The following MCMBP variants were observed in gnomAD, a reference collection of about 807,000 sequenced individuals.
MCMBP encodes the protein minichromosome maintenance complex binding protein.
Under a neutral mutation model 81.3 loss-of-function variants are expected in MCMBP, and 31 were observed. The ratio of observed to expected loss-of-function variants is 0.38; its 90% CI spans 0.29 to 0.51. The LOEUF is 0.51. Among genes scored for constraint, MCMBP ranks in the 20% least tolerant of loss-of-function variants. The pLI is 0.87. For synonymous variants in MCMBP, 267 were observed against 275.9 expected, an observed-to-expected ratio of 0.97 and a Z score of 0.32; for missense variants, 645 against 772.1, an observed-to-expected ratio of 0.84 and a Z score of 1.95.
chr10:119,852,303 T>C (rs972759611), intron 6 of MCMBP, among the ~76,000 whole-genome samples: 1 of 151,808 alleles, frequency 6.6e-6, no homozygotes, highest in Non-Finnish European at 1.5e-5. Context: ...TACTCGAATA[T>C]ATTACAAACT....
chr10:119,871,409 C>T (rs561699119), intron 1 of MCMBP, among the ~76,000 whole-genome samples: 77 of 151,736 alleles, frequency 5.1e-4, no homozygotes, highest in Non-Finnish European at 7.9e-4. Flanking sequence ...TGTTCACTGG[C>T]TAAGTTCGGA....
chr10:119,860,004 A>G (rs988729492), intron 1 of MCMBP, 120 bp from the exon 2 acceptor site: 17 of 679,354 alleles, frequency 2.5e-5, no homozygotes, highest in African/African-American at 2.3e-4. Flanking sequence ...AGCTACTATG[A>G]TAGAATGAAT....
chr10:119,859,550 A>G (rs1853174974), intron 2 of MCMBP, among the ~76,000 whole-genome samples: 2 of 152,154 alleles, frequency 1.3e-5, no homozygotes, highest in South Asian at 4.1e-4. Context: ...GGTAACTGAC[A>G]CTCTTGCAAC....
intron 14 of MCMBP, among the ~76,000 whole-genome samples, chr10:119,834,079 GC>G (rs1379681121): frequency 6.6e-6 from 1 of 152,132 alleles, no homozygotes; most frequent in Non-Finnish European, 1.5e-5. Flanking sequence ...AATGAACAGA[GC>G]CTTGAAGACC....
At position 119,843,267 on chromosome 10, in the gene MCMBP, C is replaced by A; in HGVS notation, c.987G>T (p.Glu329Asp). 6.2e-7 allele frequency: 1 copy of A among 1,613,646 alleles called. No individual in the cohort carries two copies. Among genetic ancestry groups the A allele is most frequent in the South Asian group, 1.1e-5 (1 of 91,044 alleles). Reference protein sequence around the residue: ...NPLLPACLNKEESKTFVSSFM... With the variant: ...NPLLPACLNKDESKTFVSSFM... ...ACTTACACTTACAGGTTTTGCTCTC[C>A]TCTTTGTTAAGGCAGGCAGGCAATA... Residue 329 changes from glutamate to aspartate, a missense_variant, in exon 9 of 16, where the codon GAG becomes GAT. By Grantham distance (45) the Glu-to-Asp change is conservative (BLOSUM62 2). Coordinates refer to ENST00000369077, the MANE Select transcript of MCMBP (RefSeq NM_001256378.2).
chr10:119,835,166 G>A (rs949233409), intron 14 of MCMBP, among the ~76,000 whole-genome samples: 14 of 152,174 alleles, frequency 9.2e-5, no homozygotes, highest in Admixed American at 6.5e-5. Flanking sequence ...AGAGGAGAAG[G>A]AACGGAATTA....
At chr10:119,872,034 G>A (rs1168873070) in intron 1 of MCMBP, among the ~76,000 whole-genome samples, 1 of 152,138 alleles carries the variant, frequency 6.6e-6, no homozygotes, top group Non-Finnish European at 1.5e-5. Flanking sequence ...AGAGAATGAG[G>A]GTAGCACAGG....
chr10:119,858,735 C>A, intron 4 of MCMBP, 149 bp downstream of exon 4: 1 of 660,604 alleles, frequency 1.5e-6, no homozygotes, highest in South Asian at 2.4e-5. Flanking sequence ...TCACATCAAA[C>A]TCCTAAATAA....
chr10:119,834,371 T>C (rs1452789780), intron 14 of MCMBP, among the ~76,000 whole-genome samples: 1 of 152,136 alleles, frequency 6.6e-6, no homozygotes, highest in Non-Finnish European at 1.5e-5. Context: ...AGGATCCTTA[T>C]CAGAAACTAG....
rs1851982792 is a variant in MCMBP at position 119,830,525 on chromosome 10, A to T, written c.*949T>A. Reference sequence around the variant, plus strand: ...AACTCAATGACATTTAAGAAAATAAAAACTTTCTAAAGGGGGTATTGCTTT... The same window carrying T: ...AACTCAATGACATTTAAGAAAATAATAACTTTCTAAAGGGGGTATTGCTTT... On this transcript the variant is annotated 3_prime_UTR_variant, in exon 16 of 16. Transcript: ENST00000369077. The T allele has an allele frequency of 6.6e-6, 1 of 152,348 alleles. No individual in the cohort carries two copies. The highest frequency in any genetic ancestry group is 1.9e-4 in the East Asian group (1 of 5,190). The allele number at this position is 152,348 out of a possible 1,614,324, so 9.4% of individuals were successfully genotyped here.
chr10:119,835,785 C>A, intron 13 of MCMBP, 81 bp from the exon 14 acceptor site: 1 of 1,427,058 alleles, frequency 7.0e-7, no homozygotes, highest in Non-Finnish European at 9.8e-7. Flanking sequence ...TCATCTCTGT[C>A]AGCCCCTATG....
intron 7 of MCMBP, 75 bp downstream of exon 7, chr10:119,849,350 G>A: frequency 6.8e-7 from 1 of 1,471,444 alleles, no homozygotes; most frequent in Non-Finnish European, 9.2e-7. Flanking sequence ...GGGAACAAAT[G>A]CAAATGCTCA....
At chr10:119,867,955 C>T (rs893386713) in intron 1 of MCMBP, among the ~76,000 whole-genome samples, 3 of 152,182 alleles carry the variant, frequency 2.0e-5, no homozygotes, top group Non-Finnish European at 4.4e-5. Context: ...ACTTTTAGTT[C>T]ATTTTATTAT....
At chr10:119,852,572 A>T (rs1852872431) in intron 6 of MCMBP, among the ~76,000 whole-genome samples, 1 of 152,224 alleles carries the variant, frequency 6.6e-6, no homozygotes, top group African/African-American at 2.4e-5. Context: ...GCTACTAGGC[A>T]GGTTGAAGTG....
At position 119,852,533 on chromosome 10, in the gene MCMBP, G is replaced by A. The variant is rs182856113; in HGVS notation, c.574+517C>T. Reference sequence around the variant, plus strand: ...CTACACAAAATTTAAAAAGTTAGCTGCATGTGGTGGCATGCGCCTATAGCC... The same window carrying A: ...CTACACAAAATTTAAAAAGTTAGCTACATGTGGTGGCATGCGCCTATAGCC... On this transcript the variant is annotated intron_variant, in intron 6 of 15. Coordinates refer to ENST00000369077, the MANE Select transcript of MCMBP (RefSeq NM_001256378.2). Among the ~76,000 whole-genome samples, 401 of 152,210 alleles carry A rather than the reference G, an allele frequency of 2.6e-3. 1 individual carries two copies. The highest frequency in any genetic ancestry group is 4.4e-3 in the Non-Finnish European group (298 of 68,016).
At chr10:119,837,448 C>T (rs1050255250) in intron 12 of MCMBP, among the ~76,000 whole-genome samples, 3 of 152,134 alleles carry the variant, frequency 2.0e-5, no homozygotes, top group African/African-American at 7.2e-5. Flanking sequence ...TCTACCTTTA[C>T]CTCTTGAGCT....
chr10:119,852,601 C>T (rs1852873716), intron 6 of MCMBP, among the ~76,000 whole-genome samples: 1 of 152,116 alleles, frequency 6.6e-6, no homozygotes, highest in Non-Finnish European at 1.5e-5. Context: ...TCACTTGAGC[C>T]CAGGAGGTCA....
At chr10:119,855,689 G>A (rs1853013148) in intron 5 of MCMBP, among the ~76,000 whole-genome samples, 1 of 151,636 alleles carries the variant, frequency 6.6e-6, no homozygotes, top group Non-Finnish European at 1.5e-5. Context: ...AAAAAGGCTA[G>A]AAAAAGACCA....
At chr10:119,870,443 T>C (rs1489134201) in intron 1 of MCMBP, among the ~76,000 whole-genome samples, 2 of 146,118 alleles carry the variant, frequency 1.4e-5, no homozygotes, top group East Asian at 4.2e-4. Context: ...CGAGACTGTC[T>C]CAAAAAAAAA....
Sources: gnomAD v4.1 joint callset for allele counts (sites outside exome capture counted in the v4.1 genomes callset) on GRCh38, gnomAD v4.1.1 for gene constraint, MANE v1.5 for transcripts, NCBI Gene and HGNC (gene_info 2026-07-23, HGNC 2026-07-21) for gene names.